Variants in B4GALT3 observed in about 807,000 individuals in gnomAD.
B4GALT3 encodes the protein beta-1,4-galactosyltransferase 3.
In B4GALT3, 29 loss-of-function variants were observed where a neutral mutation model predicts 40.7. The ratio of observed to expected loss-of-function variants is 0.71; its 90% CI spans 0.53 to 0.97. The LOEUF is 0.97. Among genes scored for constraint, B4GALT3 ranks in the 50% least tolerant of loss-of-function variants. The pLI is 0.00. For synonymous variants in B4GALT3, 182 were observed against 203.9 expected, an observed-to-expected ratio of 0.89 and a Z score of 0.92; for missense variants, 390 against 522.3, an observed-to-expected ratio of 0.75 and a Z score of 2.47.
At chr1:161,173,830 G>A (rs1662418271) in intron 5 of B4GALT3, 29 bp downstream of exon 5, 1 of 1,610,176 alleles carries the variant, frequency 6.2e-7, no homozygotes, top group African/African-American at 1.3e-5. Flanking sequence ...AGGCTTCCCT[G>A]TTTCCCAGTA....
intron 2 of B4GALT3, 83 bp from the exon 3 acceptor site, chr1:161,176,157 T>G: frequency 6.9e-7 from 1 of 1,452,334 alleles, no homozygotes; most frequent in South Asian, 1.2e-5. Context: ...TTGAAGGTGA[T>G]GCCAGGGGTA....
At chr1:161,175,582 G>A (rs1318988008) in intron 3 of B4GALT3, among the ~76,000 whole-genome samples, 1 of 152,064 alleles carries the variant, frequency 6.6e-6, no homozygotes, top group Non-Finnish European at 1.5e-5. Flanking sequence ...CCCATAAAGG[G>A]ACAAGCAGTA....
At chr1:161,174,393 G>A (rs750639917) in intron 4 of B4GALT3, among the ~76,000 whole-genome samples, 19 of 147,716 alleles carry the variant, frequency 1.3e-4, no homozygotes, top group Non-Finnish European at 2.7e-4. Flanking sequence ...GGGGGACAGA[G>A]TGAGATCTCA....
At chr1:161,177,906 C>T (rs931125307), upstream of B4GALT3, 2 of 152,214 alleles carry the variant, frequency 1.3e-5, no homozygotes, top group African/African-American at 4.8e-5. Context: ...TTGTTCCTTA[C>T]GCAGGCTACA....
intron 7 of B4GALT3, 39 bp downstream of exon 7, chr1:161,172,188 T>C (rs1187969768): frequency 6.2e-7 from 1 of 1,612,794 alleles, no homozygotes; most frequent in South Asian, 1.1e-5. Context: ...ACCCTGAGGA[T>C]CCAGTAACAA....
chr1:161,172,175 A>G (rs1661686809), intron 7 of B4GALT3, 52 bp downstream of exon 7: 1 of 1,612,486 alleles, frequency 6.2e-7, no homozygotes, highest in Non-Finnish European at 8.5e-7. Flanking sequence ...CTAGGGGTAC[A>G]GAACCCTGAG....
chr1:161,176,723 A>G (rs2101983949), intron 1 of B4GALT3, 144 bp from the exon 2 acceptor site: 1 of 736,416 alleles, frequency 1.4e-6, no homozygotes. Context: ...TCCCTCGCCT[A>G]TCTCCCGTGC....
chr1:161,174,989 G>A lies in B4GALT3; in HGVS notation c.489+4C>T. The A allele has an allele frequency of 6.2e-7, 1 of 1,612,842 alleles. No homozygotes were observed. The highest frequency in any genetic ancestry group is 8.5e-7 in the Non-Finnish European group (1 of 1,179,366). ...AGTCAAAATGAGGTGGAGATTGGGG[G>A]TACCTGGTGGATGACATAGATGCCA... is the stretch of plus-strand genomic sequence containing the variant. On this transcript the variant is annotated splice_donor_region_variant and intron_variant, in intron 4 of 7. Coordinates refer to ENST00000319769, the MANE Select transcript of B4GALT3 (RefSeq NM_003779.4).
At chr1:161,173,778 C>A (rs779830727) in intron 5 of B4GALT3, 51 bp from the exon 6 acceptor site, 11 of 1,612,020 alleles carry the variant, frequency 6.8e-6, no homozygotes. Context: ...GGACACATCC[C>A]CAACCACAAT....
Position 161,175,842 on chromosome 1 carries a change from AC to A in B4GALT3, c.218del (p.Gly73ValfsTer12). On this transcript the variant is annotated frameshift_variant, in exon 3 of 8. Coordinates refer to ENST00000319769, the MANE Select transcript of B4GALT3 (RefSeq NM_003779.4). LOFTEE classifies it high-confidence loss of function. Reference protein sequence around the residue: ...GAPGGPPAPQGLPYCPERSPL... With the variant: ...GAPGGPPAPQXLPYCPERSPL... ...GAGATCGTTCTGGACAGTAGGGCAG[AC>A]CTTGAGGAGCTGGAGGACCCCCTGG... is the stretch of plus-strand genomic sequence containing the variant. 1 of 1,614,094 alleles carries A rather than the reference AC, an allele frequency of 6.2e-7. No individual in the cohort carries two copies. Among genetic ancestry groups the A allele is most frequent in the Non-Finnish European group, 8.5e-7 (1 of 1,180,028 alleles).
chr1:161,172,418 A>T, intron 6 of B4GALT3, 87 bp from the exon 7 acceptor site: 2 of 1,203,890 alleles, frequency 1.7e-6, no homozygotes, highest in Non-Finnish European at 2.3e-6. Context: ...ACAAAAAAAC[A>T]ACTATTACTT....
rs367870203 is a variant in B4GALT3 at position 161,175,930 on chromosome 1, G to T, written c.131C>A (p.Pro44Gln). The change falls in exon 3 of 8, where the codon CCG becomes CAG. Residue 44 changes from proline to glutamine, a missense_variant. This residue lies in a region of B4GALT3 where 183 missense variants were observed against 223.2 expected (regional missense o/e 0.82). Transcript: ENST00000319769. ...LSALFGRDQG[P>Q]TFDYSHPRDV... is the part of the protein sequence containing the mutation. Reference sequence around the variant, plus strand: ...ACGAGGGTGAGAATAGTCAAATGTCGGTCCCTGATCTCGGCCAAATAGGGC... The same window carrying T: ...ACGAGGGTGAGAATAGTCAAATGTCTGTCCCTGATCTCGGCCAAATAGGGC... The T allele has an allele frequency of 3.1e-6, 5 of 1,614,112 alleles. No individual in the cohort carries two copies. The South Asian group carries it at 4.4e-5, about 14-fold the overall frequency.
intron 4 of B4GALT3, 92 bp from the exon 5 acceptor site, chr1:161,174,141 C>A (rs1662552787): frequency 7.3e-7 from 1 of 1,370,974 alleles, no homozygotes; most frequent in Non-Finnish European, 9.9e-7. Flanking sequence ...GGCGCGGTGG[C>A]TTACGCCTGT....
rs540405780 is a variant in B4GALT3 at position 161,172,960 on chromosome 1, A to G, written c.804-629T>C. ...GAAACAAACTCCACTTCTGACACAC[A>G]GAAGCATGGAGTGCAGATGGCCTGG... On this transcript the variant is annotated intron_variant, in intron 6 of 7. Coordinates refer to ENST00000319769, the MANE Select transcript of B4GALT3 (RefSeq NM_003779.4). 1.6e-4 allele frequency among the ~76,000 whole-genome samples: 24 copies of G among 152,308 alleles called. No individual in the cohort carries two copies. The South Asian group carries it at 4.6e-3, about 29-fold the overall frequency.
At chr1:161,177,268 G>T in intron 1 of B4GALT3, 155 bp downstream of exon 1, 1 of 598,956 alleles carries the variant, frequency 1.7e-6, no homozygotes, top group Non-Finnish European at 2.9e-6. Context: ...CTACCTACTA[G>T]CAACGTGAGC....
chr1:161,173,925 T>C lies in B4GALT3; in HGVS notation c.614A>G (p.Asn205Ser), dbSNP rs769328177. The C allele has an allele frequency of 1.9e-6, 3 of 1,614,088 alleles. No individual in the cohort carries two copies. The South Asian group carries it at 3.3e-5, about 18-fold the overall frequency. ...TCCCCGGGGGTCACACACATACAGA[T>C]TGTGGTCATTTTCTGGCAAGAGGTC... ...DVDLLPENDH[N>S]LYVCDPRGPR... The change falls in exon 5 of 8, where the codon AAT becomes AGT. Residue 205 changes from asparagine (N) to serine (S), a missense_variant. This residue lies in a region of B4GALT3 where 135 missense variants were observed against 227.8 expected (regional missense o/e 0.59). Coordinates refer to ENST00000319769, the MANE Select transcript of B4GALT3 (RefSeq NM_003779.4).
chr1:161,177,289 C>A, intron 1 of B4GALT3, 134 bp downstream of exon 1: 1 of 574,128 alleles, frequency 1.7e-6, no homozygotes, highest in Non-Finnish European at 3.1e-6. Context: ...CCGCCCGGCC[C>A]CCGTCCATAC....
chr1:161,173,322 C>CTG (rs1253231490), intron 6 of B4GALT3, among the ~76,000 whole-genome samples: 1 of 152,222 alleles, frequency 6.6e-6, no homozygotes, highest in Non-Finnish European at 1.5e-5. Context: ...CAAGACTAAG[C>CTG]TGTCTCTGGG....
intron 1 of B4GALT3, chr1:161,177,076 C>G: frequency 1.3e-6 from 2 of 1,534,062 alleles, no homozygotes; most frequent in Non-Finnish European, 1.7e-6. Context: ...CCTTTCCCCT[C>G]TTCTAGCGGG....
Sources: gnomAD v4.1 joint callset for allele counts (sites outside exome capture counted in the v4.1 genomes callset) on GRCh38, gnomAD v4.1.1 for gene constraint, gnomAD v4.1.1 regional missense constraint, MANE v1.5 for transcripts, NCBI Gene and HGNC (gene_info 2026-07-23, HGNC 2026-07-21) for gene names.